Variants in TNRC6B observed in about 807,000 individuals in gnomAD.
The protein encoded by TNRC6B is trinucleotide repeat containing adaptor 6B, also known as trinucleotide repeat-containing gene 6B protein.
In TNRC6B, 52 loss-of-function variants were observed where a neutral mutation model predicts 203.6. That is an observed-to-expected ratio of 0.26 (90% CI 0.20 to 0.32). TNRC6B has a LOEUF of 0.32. Ranked by LOEUF, TNRC6B falls within the 10% of genes least tolerant of loss-of-function variation. The pLI, the probability that TNRC6B is intolerant of heterozygous loss-of-function variation, is 1.00. For missense variants in TNRC6B, 1,923 were observed against 2,286.2 expected (o/e 0.84, Z 3.24); for synonymous variants, 838 against 845.7 (o/e 0.99, Z 0.16).
intron 12 of TNRC6B, among the ~76,000 whole-genome samples, chr22:40,289,495 CTCT>C (rs2070839635): frequency 6.6e-6 from 1 of 152,146 alleles, no homozygotes; most frequent in Non-Finnish European, 1.5e-5. Flanking sequence ...GTTCTCTAGT[CTCT>C]TCTTACTCAG....
At chr22:40,094,667 C>A (rs1300832626) in intron 1 of TNRC6B, among the ~76,000 whole-genome samples, 1 of 152,168 alleles carries the variant, frequency 6.6e-6, no homozygotes, top group African/African-American at 2.4e-5. Flanking sequence ...TAAGATTTCC[C>A]AGTGGCTGTT....
chr22:40,086,117 T>C (rs1315288985), intron 1 of TNRC6B, among the ~76,000 whole-genome samples: 1 of 152,170 alleles, frequency 6.6e-6, no homozygotes, highest in African/African-American at 2.4e-5. Flanking sequence ...GCAATTCTAC[T>C]GCCTTGGCCT....
chr22:40,305,043 C>A (rs762036737), intron 15 of TNRC6B, among the ~76,000 whole-genome samples: 2 of 152,090 alleles, frequency 1.3e-5, no homozygotes, highest in Non-Finnish European at 2.9e-5. Flanking sequence ...AAGGCAGGAT[C>A]AGTGTAAGGA....
At chr22:40,116,386 A>G (rs1376237272) in intron 1 of TNRC6B, among the ~76,000 whole-genome samples, 1 of 152,184 alleles carries the variant, frequency 6.6e-6, no homozygotes, top group Non-Finnish European at 1.5e-5. Flanking sequence ...TTTAATATAT[A>G]TTCCTATATC....
At chr22:40,079,300 G>C (rs938743297) in intron 1 of TNRC6B, among the ~76,000 whole-genome samples, 1 of 152,018 alleles carries the variant, frequency 6.6e-6, no homozygotes, top group Non-Finnish European at 1.5e-5. Flanking sequence ...TGGGCGAGTG[G>C]GTGTTACAGA....
At position 40,166,713 on chromosome 22, in the gene TNRC6B, G is replaced by C. The variant is rs559408732; in HGVS notation, c.113+10531G>C. On this transcript the variant is annotated intron_variant, in intron 4 of 23. Coordinates refer to the TNRC6B transcript ENST00000301923. ...AGTTTGAGACCAGCCTGGCCAACAT[G>C]GTGAAACCCCGTCTCTACTGAAAGT... Among the ~76,000 whole-genome samples the C allele has an allele frequency of 3.9e-5, 6 of 151,966 alleles. No homozygotes were observed. The South Asian group carries it at 1.0e-3, about 26-fold the overall frequency.
chr22:40,097,050 G>C (rs960819917), intron 1 of TNRC6B, among the ~76,000 whole-genome samples: 3 of 152,166 alleles, frequency 2.0e-5, no homozygotes, highest in African/African-American at 7.2e-5. Flanking sequence ...GCCCCATCAG[G>C]GGAGTTCACC....
intron 21 of TNRC6B, 95 bp from the exon 22 acceptor site, chr22:40,320,995 G>A (rs1486676121): frequency 1.8e-5 from 26 of 1,438,116 alleles, no homozygotes; most frequent in Non-Finnish European, 2.5e-5. Flanking sequence ...TGCAAAATGG[G>A]CACACTAGGT....
intron 4 of TNRC6B, among the ~76,000 whole-genome samples, chr22:40,165,093 T>C (rs1601852893): frequency 5.0e-5 from 7 of 140,674 alleles, no homozygotes; most frequent in African/African-American, 1.0e-4. Flanking sequence ...TCCCCCCGGC[T>C]CTTTTTTTTT....
chr22:40,330,180 T>C lies in TNRC6B; in HGVS notation c.*6939T>C, dbSNP rs975671711. 6 of 152,214 alleles carry C rather than the reference T, an allele frequency of 3.9e-5. No individual in the cohort carries two copies. The highest frequency in any genetic ancestry group is 3.9e-4 in the Admixed American group (6 of 15,284). 9.4% of individuals were successfully genotyped at this position (152,214 alleles called of 1,614,324 possible). ...GCCAATATCAACAAGTTGGGATGGT[T>C]TTTGTTTTTTTCTTTTTTTTCAAAA... On this transcript the variant is annotated 3_prime_UTR_variant, in exon 23 of 23. Coordinates refer to ENST00000454349, the MANE Select transcript of TNRC6B (RefSeq NM_001162501.2).
At chr22:40,222,728 CTTTTTTTTTTTTTTTTTTTTT>C (rs61374373) in intron 1 of TNRC6B, among the ~76,000 whole-genome samples, 26 of 40,192 alleles carry the variant, frequency 6.5e-4, no homozygotes, top group Admixed American at 4.5e-3. Flanking sequence ...CTCTCTCTCT[CTTTTTTTTTTTTTTTTTTTTT>C]TTTTTTTTTT....
chr22:40,132,506 C>A (rs1344379771), intron 3 of TNRC6B, among the ~76,000 whole-genome samples: 1 of 143,954 alleles, frequency 6.9e-6, no homozygotes, highest in Admixed American at 7.1e-5. Flanking sequence ...AGGGCGAGGG[C>A]GAGGGCGAGG....
intron 4 of TNRC6B, among the ~76,000 whole-genome samples, chr22:40,169,907 G>T (rs931920463): frequency 2.0e-5 from 3 of 152,028 alleles, no homozygotes; most frequent in African/African-American, 4.8e-5. Flanking sequence ...CATTTTAAAA[G>T]AATTTTTCAT....
chr22:40,217,229 C>A (rs1367981801), intron 1 of TNRC6B, among the ~76,000 whole-genome samples: 1 of 152,166 alleles, frequency 6.6e-6, no homozygotes, highest in East Asian at 1.9e-4. Context: ...GTAGAGACTA[C>A]TTCTTAACAC....
chr22:40,154,004 G>A (rs956848653), intron 3 of TNRC6B, among the ~76,000 whole-genome samples: 10 of 150,756 alleles, frequency 6.6e-5, no homozygotes, highest in South Asian at 2.1e-4. Context: ...TTAGGGTCTC[G>A]CTGTGTTGCC....
intron 3 of TNRC6B, among the ~76,000 whole-genome samples, chr22:40,139,325 A>ATTTT (rs562172960): frequency 3.3e-5 from 4 of 120,614 alleles, no homozygotes; most frequent in African/African-American, 1.2e-4. Flanking sequence ...GGGTGTACGC[A>ATTTT]TTTTTTTTTT....
At chr22:40,058,433 A>G (rs1369113788) in intron 1 of TNRC6B, among the ~76,000 whole-genome samples, 1 of 117,978 alleles carries the variant, frequency 8.5e-6, no homozygotes. Flanking sequence ...GCACAATGTG[A>G]CACAATGTGC....
At position 40,312,990 on chromosome 22, in the gene TNRC6B, C is replaced by T; in HGVS notation, c.4671C>T (p.Ser1557=). 1.2e-6 allele frequency: 2 copies of T among 1,613,178 alleles called. No individual in the cohort carries two copies. The highest frequency in any genetic ancestry group is 1.7e-6 in the Non-Finnish European group (2 of 1,179,372). ...ACAACTCCTTTACCAACGTTCATAG[C>T]ACTTCAGGTATGAGTGTGAATTTTT... ...ASDNSFTNVH[S]TSAKFPDYKS... is the part of the protein sequence containing the mutation. The change falls in exon 19 of 23, where the codon AGC becomes AGT. Residue 1557 remains serine, a synonymous_variant. Transcript: ENST00000454349.
chr22:40,099,653 C>G (rs1229054726), intron 1 of TNRC6B, among the ~76,000 whole-genome samples: 1 of 152,170 alleles, frequency 6.6e-6, no homozygotes, highest in African/African-American at 2.4e-5. Flanking sequence ...TCATAAATAA[C>G]CTAGAGATTA....
Sources: gnomAD v4.1 joint callset for allele counts (sites outside exome capture counted in the v4.1 genomes callset) on GRCh38, gnomAD v4.1.1 for gene constraint, MANE v1.5 for transcripts, NCBI Gene and HGNC (gene_info 2026-07-23, HGNC 2026-07-21) for gene names.